DMBX1: variants seen among roughly 807,000 people sequenced by gnomAD.
DMBX1 encodes the protein diencephalon/mesencephalon homeobox 1, also known as diencephalon/mesencephalon homeobox protein 1.
Under a neutral mutation model 30.4 loss-of-function variants are expected in DMBX1, and 7 were observed. The observed-to-expected ratio is 0.23, with a 90% CI of 0.13 to 0.43. The LOEUF (loss-of-function observed/expected upper bound fraction) is 0.43. Among genes scored for constraint, DMBX1 ranks in the 20% least tolerant of loss-of-function variants. The probability of loss-of-function intolerance (pLI) is 1.00; values close to 1 mark genes in which losing one functional copy is unlikely to be tolerated. For synonymous variants in DMBX1, 222 were observed against 214.2 expected, an observed-to-expected ratio of 1.04 and a Z score of -0.32; for missense variants, 460 against 508.5, an observed-to-expected ratio of 0.90 and a Z score of 0.92.
Position 46,515,097 on chromosome 1 carries a change from G to C in DMBX1, c.*2603G>C, listed in dbSNP as rs1666465521. Reference sequence around the variant, plus strand: ...CTTGCTGGGGTCTGGAATTTGGAAGGGGAATCCACCAGCCATGGGGGCATC... The same window carrying C: ...CTTGCTGGGGTCTGGAATTTGGAAGCGGAATCCACCAGCCATGGGGGCATC... On this transcript the variant is annotated 3_prime_UTR_variant, in exon 6 of 6. Transcript: ENST00000360032. 6.6e-6 allele frequency among the ~76,000 whole-genome samples: 1 copy of C among 152,100 alleles called. No individual in the cohort carries two copies. Among genetic ancestry groups the C allele is most frequent in the Non-Finnish European group, 1.5e-5 (1 of 68,024 alleles).
intron 2 of DMBX1, among the ~76,000 whole-genome samples, chr1:46,494,740 A>G (rs756802719): frequency 2.0e-5 from 3 of 152,144 alleles, no homozygotes; most frequent in Admixed American, 6.5e-5. Flanking sequence ...GCAAAGCCAC[A>G]TACTTCCAAG....
rs775993479 is a variant in DMBX1 at position 46,507,155 on chromosome 1, C to T, written c.145C>T (p.Arg49Cys). The T allele has an allele frequency of 1.2e-5, 20 of 1,613,930 alleles. No homozygotes were observed. The highest frequency in any genetic ancestry group is 8.3e-5 in the Admixed American group (5 of 59,998). ...AGTGCATGCGCTTACATTGGCTGAG[C>T]GCCTGGCTGGTAAGGGCCCTGGGGA... ...PSVHALTLAE[R>C]LADIILEARY... The change falls in exon 3 of 6, where the codon CGC becomes TGC. Residue 49 changes from arginine (R) to cysteine (C), a missense_variant. Physicochemically the swap from Arg to Cys is radical, Grantham distance 180. Coordinates refer to ENST00000360032, the MANE Select transcript of DMBX1 (RefSeq NM_172225.2).
At chr1:46,508,300 G>C (rs981654614) in intron 3 of DMBX1, among the ~76,000 whole-genome samples, 1 of 152,180 alleles carries the variant, frequency 6.6e-6, no homozygotes, top group Non-Finnish European at 1.5e-5. Flanking sequence ...GGATCAGCTG[G>C]GGTAGTCAGG....
chr1:46,500,992 T>C (rs141605083), intron 2 of DMBX1, among the ~76,000 whole-genome samples: 58 of 152,350 alleles, frequency 3.8e-4, no homozygotes, highest in Middle Eastern at 3.4e-3. Context: ...CGATGTACTC[T>C]CTAAAGGCTT....
intron 2 of DMBX1, among the ~76,000 whole-genome samples, chr1:46,506,158 A>G (rs1640509200): frequency 6.6e-6 from 1 of 152,162 alleles, no homozygotes. Flanking sequence ...CCCAGGTTCA[A>G]GCAATTATCC....
intron 2 of DMBX1, among the ~76,000 whole-genome samples, chr1:46,497,536 G>C (rs1666046017): frequency 1.3e-5 from 2 of 152,256 alleles, no homozygotes; most frequent in Admixed American, 1.3e-4. Context: ...AGAAGGAAAG[G>C]GAGAGGCAAA....
At position 46,512,355 on chromosome 1, in the gene DMBX1, C is replaced by G; in HGVS notation, c.995C>G (p.Ser332Cys). ...GCTGCCCACCAGGGTGTGTGGGGGT[C>G]TCCTCTGCTGCCTGCACCCCCAGCA... ...AAAAHQGVWG[S>C]PLLPAPPAGL... is the part of the protein sequence containing the mutation. The change falls in exon 6 of 6, where the codon TCT (serine) becomes TGT (cysteine). Residue 332 changes from serine to cysteine, a missense_variant. Ser to Cys is a moderately radical substitution (Grantham distance 112, BLOSUM62 -1). Around this residue, in one of 3 missense-constraint regions of DMBX1, gnomAD observed 334 missense variants for 345.1 expected, o/e 0.97. Transcript: ENST00000360032. This position sits in a 1 kb window ranked among gnomAD's most constrained non-coding sequence, Gnocchi z 4.8. 1 of 1,614,042 alleles carries G rather than the reference C, an allele frequency of 6.2e-7. No homozygotes were observed. The highest frequency in any genetic ancestry group is 8.5e-7 in the Non-Finnish European group (1 of 1,180,014).
At position 46,512,060 on chromosome 1, in the gene DMBX1, A is replaced by G. The variant is rs1162188601; in HGVS notation, c.700A>G (p.Thr234Ala). Residue 234 changes from threonine to alanine, a missense_variant, in exon 6 of 6, where the codon ACC becomes GCC. By Grantham distance (58) the Thr-to-Ala change is moderately conservative. This residue lies in a region of DMBX1 where 334 missense variants were observed against 345.1 expected (regional missense o/e 0.97). Coordinates refer to ENST00000360032, the MANE Select transcript of DMBX1 (RefSeq NM_172225.2). This position sits in a 1 kb window ranked among gnomAD's most constrained non-coding sequence, Gnocchi z 4.8. ...GCTTGCAGATTCCCCAGGCAGCCTG[A>G]CCATCACTCCTGTGGCCCCAGGGGG... ...SPKADSPGSL[T>A]ITPVAPGGGL... 2 of 1,611,606 alleles carry G rather than the reference A, an allele frequency of 1.2e-6. No homozygotes were observed. The highest frequency in any genetic ancestry group is 3.3e-5 in the Admixed American group (2 of 59,938).
At chr1:46,492,633 G>A (rs751285042) in intron 2 of DMBX1, among the ~76,000 whole-genome samples, 5 of 152,102 alleles carry the variant, frequency 3.3e-5, no homozygotes, top group East Asian at 1.9e-4. Context: ...TTCTGTGTGC[G>A]CACACATATT....
chr1:46,493,364 G>A lies in DMBX1; in HGVS notation c.-13+2581G>A, dbSNP rs1484912975. Among the ~76,000 whole-genome samples, 1 of 152,158 alleles carries A rather than the reference G, an allele frequency of 6.6e-6. No individual in the cohort carries two copies. Among genetic ancestry groups the A allele is most frequent in the African/African-American group, 2.4e-5 (1 of 41,444 alleles). On this transcript the variant is annotated intron_variant, in intron 2 of 5. Coordinates refer to ENST00000360032, the MANE Select transcript of DMBX1 (RefSeq NM_172225.2). The surrounding 1 kb of genome is among the most constrained non-coding windows in gnomAD (Gnocchi z 4.1). ...TTTCCCTTTCTGTAAGAAGGGCACC[G>A]AGCTGGGCTCTCCAATGTCCAGCCC...
rs956304877 is a variant in DMBX1, at chr1:46,493,329, C to A, written c.-13+2546C>A. On this transcript the variant is annotated intron_variant, in intron 2 of 5. Transcript: ENST00000360032. This position sits in a 1 kb window ranked among gnomAD's most constrained non-coding sequence, Gnocchi z 4.1. ...AGTGCCTCTCCTGTCTGACCTTGAG[C>A]GAGTCTCAGTTTCCCTTTCTGTAAG... 6.6e-6 allele frequency among the ~76,000 whole-genome samples: 1 copy of A among 152,204 alleles called. No individual in the cohort carries two copies. Among genetic ancestry groups the A allele is most frequent in the Admixed American group, 6.5e-5 (1 of 15,286 alleles).
rs1419855688 is a variant in DMBX1, at chr1:46,510,884, C to T, written c.334-51C>T. 6.6e-7 allele frequency: 1 copy of T among 1,515,446 alleles called. No individual in the cohort carries two copies. The highest frequency in any genetic ancestry group is 8.9e-7 in the Non-Finnish European group (1 of 1,128,366). 93.9% of individuals were successfully genotyped at this position (1,515,446 alleles called of 1,614,324 possible). On this transcript the variant is annotated intron_variant, in intron 4 of 5. Coordinates refer to ENST00000360032, the MANE Select transcript of DMBX1 (RefSeq NM_172225.2). This position sits in a 1 kb window ranked among gnomAD's most constrained non-coding sequence, Gnocchi z 4.1. ...TCTCCCAGAGCACCCTGCTCCACAC[C>T]AACCCCACTTCTTTCTTGCCCACCT... is the stretch of plus-strand genomic sequence containing the variant.
chr1:46,511,382 G>A (rs1363994733), intron 5 of DMBX1, 99 bp downstream of exon 5: 8 of 1,275,634 alleles, frequency 6.3e-6, no homozygotes, highest in Non-Finnish European at 8.4e-6. Context: ...CAGGGGCATG[G>A]CGCATCAGAA....
intron 3 of DMBX1, 33 bp downstream of exon 3, chr1:46,507,197 G>T: frequency 6.2e-7 from 1 of 1,610,050 alleles, no homozygotes; most frequent in Non-Finnish European, 8.5e-7. Context: ...CATGGGGACA[G>T]GACTGTGGGG....
At chr1:46,504,470 G>A in intron 2 of DMBX1, among the ~76,000 whole-genome samples, 1 of 150,756 alleles carries the variant, frequency 6.6e-6, no homozygotes, top group African/African-American at 2.5e-5. Flanking sequence ...ATTAAATAGG[G>A]AATCCTTTCC....
intron 3 of DMBX1, 41 bp downstream of exon 3, chr1:46,507,205 G>A: frequency 6.2e-7 from 1 of 1,606,520 alleles, no homozygotes; most frequent in Non-Finnish European, 8.5e-7. Context: ...CAGGACTGTG[G>A]GGGTTGGGGG....
chr1:46,506,847 G>T, intron 2 of DMBX1, 152 bp from the exon 3 acceptor site: 1 of 806,328 alleles, frequency 1.2e-6, no homozygotes. Flanking sequence ...CCCCCACACG[G>T]TAAGCCACGG....
At chr1:46,511,431 T>A (rs1050516625) in intron 5 of DMBX1, 148 bp downstream of exon 5, 7 of 973,020 alleles carry the variant, frequency 7.2e-6, no homozygotes, top group African/African-American at 1.6e-5. Flanking sequence ...GTTTTCACCC[T>A]TTAGTTGCAG....
In DMBX1 at chr1:46,510,501, T is replaced by C; in HGVS notation, c.180T>C (p.Gly60=). ...LADIILEARY[G]SQHRKQRRSR... is the part of the protein sequence containing the mutation. The stretch of plus-strand genomic sequence containing the variant: ...ACATCATCTTGGAGGCCCGTTATGG[T>C]TCCCAGCACCGCAAACAACGTCGCA... Residue 60 remains glycine, a synonymous_variant, in exon 4 of 6, where the codon GGT becomes GGC. Transcript: ENST00000360032. This position sits in a 1 kb window ranked among gnomAD's most constrained non-coding sequence, Gnocchi z 4.1. The C allele has an allele frequency of 6.2e-7, 1 of 1,613,998 alleles. No individual in the cohort carries two copies. The highest frequency in any genetic ancestry group is 1.1e-5 in the South Asian group (1 of 91,076).
Sources: allele counts gnomAD v4.1 joint callset (sites outside exome capture counted in the v4.1 genomes callset), GRCh38; gene constraint gnomAD v4.1.1; regional missense constraint gnomAD v4.1.1; non-coding constraint Gnocchi (gnomAD v3.1); transcripts MANE v1.5; gene names NCBI Gene and HGNC (gene_info 2026-07-23, HGNC 2026-07-21).